Variants in ZNF532 observed in about 807,000 individuals in gnomAD.
ZNF532 encodes zinc finger protein 532.
In ZNF532, 22 loss-of-function variants were observed where a neutral mutation model predicts 89.3. That is an observed-to-expected ratio of 0.25 (90% CI 0.18 to 0.35). The LOEUF (loss-of-function observed/expected upper bound fraction) is 0.35, where lower values mean the gene tolerates loss of function less well. Ranked by LOEUF, ZNF532 falls within the 10% of genes least tolerant of loss-of-function variation. ZNF532 has a pLI of 1.00. For missense variants in ZNF532, 1,132 were observed against 1,643.4 expected, an observed-to-expected ratio of 0.69 and a Z score of 5.38; for synonymous variants, 606 against 649.6, an observed-to-expected ratio of 0.93 and a Z score of 1.02.
intron 3 of ZNF532, 129 bp downstream of exon 3, chr18:58,920,762 GTGTGT>G: frequency 1.6e-6 from 1 of 640,560 alleles, no homozygotes; most frequent in South Asian, 2.3e-5. Flanking sequence ...GTGTGTGTGT[GTGTGT>G]GTGTGTGTGT....
chr18:58,888,176 C>T (rs1230546216), intron 2 of ZNF532, among the ~76,000 whole-genome samples: 1 of 152,016 alleles, frequency 6.6e-6, no homozygotes, highest in Non-Finnish European at 1.5e-5. Flanking sequence ...TATAGGCAGA[C>T]AGTATAAAAC....
In ZNF532 at chr18:58,884,979, G is replaced by GTT. The variant is rs34689408; in HGVS notation, c.-18+19414_-18+19415dup. ...GAATCAGTAAGCTACCAGTACAAGG[G>GTT]TTTTTTTTTTTTTTTCTTTTTTTTT... On this transcript the variant is annotated intron_variant, in intron 2 of 9. Coordinates refer to ENST00000591808, the MANE Select transcript of ZNF532 (RefSeq NM_001375912.1). Among the ~76,000 whole-genome samples the GTT allele has an allele frequency of 2.1e-3, 289 of 138,056 alleles. 6 individuals carry two copies. Among genetic ancestry groups the GTT allele is most frequent in the Middle Eastern group, 0.011 (3 of 272 alleles). 90.6% of individuals were successfully genotyped at this position (138,056 alleles called of 152,430 possible).
Position 58,918,273 on chromosome 18 carries a change from C to T in ZNF532, c.-15C>T, listed in dbSNP as rs1448526317. On this transcript the variant is annotated splice_region_variant and 5_prime_UTR_variant, in exon 3 of 10. Transcript: ENST00000591808. ...ACTATTTTCTGCTCATTTAACAGAA[C>T]ATCTGCTCAAATTAATGACCATGGG... 3.1e-6 allele frequency: 5 copies of T among 1,606,088 alleles called. No homozygotes were observed. Among genetic ancestry groups the T allele is most frequent in the African/African-American group, 2.7e-5 (2 of 74,686 alleles).
chr18:58,981,083 C>T (rs2067712770), intron 8 of ZNF532: 1 of 211,346 alleles, frequency 4.7e-6, no homozygotes, highest in Non-Finnish European at 9.5e-6. Context: ...ATGCATGCTG[C>T]TTTTGTGCCT....
intron 2 of ZNF532, among the ~76,000 whole-genome samples, chr18:58,911,820 TTC>T (rs1387202745): frequency 6.6e-6 from 1 of 152,248 alleles, no homozygotes; most frequent in Non-Finnish European, 1.5e-5. Context: ...TCCCTGGAGC[TTC>T]TCTCCTGGAA....
intron 5 of ZNF532, among the ~76,000 whole-genome samples, chr18:58,941,640 T>G (rs2063040997): frequency 6.6e-6 from 1 of 151,996 alleles, no homozygotes; most frequent in South Asian, 2.1e-4. Context: ...GGCTGATTTT[T>G]AAGTTTTCTG....
Position 58,983,960 on chromosome 18 carries a change from T to C in ZNF532, c.3412-12T>C, listed in dbSNP as rs2147792418. On this transcript the variant is annotated splice_polypyrimidine_tract_variant and intron_variant, in intron 9 of 9. Coordinates refer to ENST00000591808, the MANE Select transcript of ZNF532 (RefSeq NM_001375912.1). ...GTTTTCAGTCGTGTCATTTGCTTTC[T>C]TTCCCTGAAAGGTCCCCAGTCCCAA... is the stretch of plus-strand genomic sequence containing the variant. 2 of 1,595,964 alleles carry C rather than the reference T, an allele frequency of 1.3e-6. No individual in the cohort carries two copies. Among genetic ancestry groups the C allele is most frequent in the Non-Finnish European group, 1.7e-6 (2 of 1,171,170 alleles).
intron 2 of ZNF532, among the ~76,000 whole-genome samples, chr18:58,900,582 C>T (rs1288375006): frequency 6.6e-6 from 1 of 152,206 alleles, no homozygotes; most frequent in Non-Finnish European, 1.5e-5. Context: ...CAGCCTCCTA[C>T]CAGACCTTAG....
intron 6 of ZNF532, among the ~76,000 whole-genome samples, chr18:58,951,646 G>GTTTTTTTTTTTTTTTTTTT (rs3039758): frequency 1.4e-5 from 1 of 72,590 alleles, no homozygotes; most frequent in Non-Finnish European, 2.4e-5. Context: ...TCGCCCTGTT[G>GTTTTTTTTTTTTTTTTTTT]TTTTTTTTTT....
At chr18:58,910,649 T>TAG (rs148523057) in intron 2 of ZNF532, among the ~76,000 whole-genome samples, 27 of 150,256 alleles carry the variant, frequency 1.8e-4, no homozygotes, top group South Asian at 1.5e-3. Flanking sequence ...GTATTTGTAG[T>TAG]AGAGAGAGAG....
At chr18:58,918,221 C>T (rs771657045) in intron 2 of ZNF532, 50 bp from the exon 3 acceptor site, 18 of 1,507,452 alleles carry the variant, frequency 1.2e-5, no homozygotes, top group African/African-American at 1.4e-5. Flanking sequence ...TTTATCTCAT[C>T]GTGAGGAAAT....
In ZNF532 at chr18:58,962,642, G is replaced by A. The variant is rs1054998569; in HGVS notation, c.3150+8843G>A. Among the ~76,000 whole-genome samples, 7 of 150,280 alleles carry A rather than the reference G, an allele frequency of 4.7e-5. No homozygotes were observed. In the East Asian group the frequency reaches 7.9e-4, roughly 17 times the overall value. On this transcript the variant is annotated intron_variant, in intron 7 of 9. Transcript: ENST00000591808. ...TTTTGAGATGGAGTCTTTCTCTGTCGCCCAGGCTGGAGTACAGTGACGCCA... is the reference window on the plus strand; with the variant it reads ...TTTTGAGATGGAGTCTTTCTCTGTCACCCAGGCTGGAGTACAGTGACGCCA...
intron 3 of ZNF532, among the ~76,000 whole-genome samples, chr18:58,925,937 C>G (rs1254545093): frequency 6.6e-6 from 1 of 152,164 alleles, no homozygotes; most frequent in East Asian, 1.9e-4. Flanking sequence ...TATTCTGTTC[C>G]ATTGATCTGT....
chr18:58,886,944 A>G (rs1262844432), intron 2 of ZNF532, among the ~76,000 whole-genome samples: 1 of 152,102 alleles, frequency 6.6e-6, no homozygotes, highest in Non-Finnish European at 1.5e-5. Flanking sequence ...TTAGTTGGAG[A>G]TGTTCTTTCA....
At chr18:58,968,801 G>C (rs144420235) in intron 7 of ZNF532, among the ~76,000 whole-genome samples, 3 of 152,216 alleles carry the variant, frequency 2.0e-5, no homozygotes. Flanking sequence ...GCAGTGCCTG[G>C]TGAGGCTGTT....
At chr18:58,886,506 G>A (rs538422321) in intron 2 of ZNF532, among the ~76,000 whole-genome samples, 37 of 152,104 alleles carry the variant, frequency 2.4e-4, no homozygotes, top group African/African-American at 8.0e-4. Context: ...TGCCAAAAAC[G>A]ATGTGAATGC....
intron 2 of ZNF532, among the ~76,000 whole-genome samples, chr18:58,888,871 ATATAT>A (rs1568248642): frequency 3.8e-5 from 2 of 53,072 alleles, no homozygotes; most frequent in African/African-American, 9.1e-5. Flanking sequence ...TATATATAAT[ATATAT>A]TATATATATA....
At chr18:58,897,080 A>C (rs1199856817) in intron 2 of ZNF532, among the ~76,000 whole-genome samples, 1 of 151,846 alleles carries the variant, frequency 6.6e-6, no homozygotes, top group Non-Finnish European at 1.5e-5. Flanking sequence ...AACAGACTCA[A>C]AATACTCTTA....
rs1315082195 is a variant in ZNF532 at position 58,914,966 on chromosome 18, C to T, written c.-17-3305C>T. Among the ~76,000 whole-genome samples, 6 of 152,248 alleles carry T rather than the reference C, an allele frequency of 3.9e-5. No individual in the cohort carries two copies. In the South Asian group the frequency reaches 1.0e-3, roughly 26 times the overall value. ...AAGAAAACTTTCAGACATAAACATT[C>T]CTCTTTGTATTCAGTATAACTGAGA... On this transcript the variant is annotated intron_variant, in intron 2 of 9. Transcript: ENST00000591808.
Sources: allele counts gnomAD v4.1 joint callset (sites outside exome capture counted in the v4.1 genomes callset), GRCh38; gene constraint gnomAD v4.1.1; transcripts MANE v1.5; gene names NCBI Gene and HGNC (gene_info 2026-07-23, HGNC 2026-07-21).